The following MRPL22 variants were observed in gnomAD, a reference collection of about 807,000 sequenced individuals.
MRPL22 encodes the protein large ribosomal subunit protein uL22m.
MRPL22 carries 27 observed loss-of-function variants against 32.4 expected under a neutral mutation model. The ratio of observed to expected loss-of-function variants is 0.83; its 90% CI spans 0.61 to 1.15. The LOEUF (loss-of-function observed/expected upper bound fraction) is 1.15. MRPL22 is among the 50% of genes most tolerant of loss of function. The pLI is 0.00. For synonymous variants in MRPL22, 86 were observed against 87.3 expected, an observed-to-expected ratio of 0.99 and a Z score of 0.08; for missense variants, 239 against 260.2, an observed-to-expected ratio of 0.92 and a Z score of 0.56.
intron 6 of MRPL22, among the ~76,000 whole-genome samples, chr5:154,962,696 C>CA (rs1474235333): frequency 6.6e-6 from 1 of 152,106 alleles, no homozygotes; most frequent in Non-Finnish European, 1.5e-5. Flanking sequence ...ATAGTGATGA[C>CA]TAATGATACT....
chr5:154,964,605 C>T (rs967011924), intron 6 of MRPL22, among the ~76,000 whole-genome samples: 5 of 152,242 alleles, frequency 3.3e-5, no homozygotes, highest in Middle Eastern at 3.4e-3. Context: ...TTTGTTTTGA[C>T]ATAAAGAAAT....
chr5:154,958,848 T>C (rs1764666062), intron 5 of MRPL22, among the ~76,000 whole-genome samples: 1 of 152,026 alleles, frequency 6.6e-6, no homozygotes, highest in Non-Finnish European at 1.5e-5. Flanking sequence ...CCTGGCCCAA[T>C]TGTCATATTT....
intron 3 of MRPL22, 133 bp from the exon 4 acceptor site, chr5:154,956,238 A>G (rs1764627965): frequency 1.5e-6 from 1 of 648,942 alleles, no homozygotes; most frequent in Non-Finnish European, 2.7e-6. Context: ...ATTCTTAGTA[A>G]TGTTTCTATT....
At chr5:154,947,270 C>G (rs990376376) in intron 2 of MRPL22, among the ~76,000 whole-genome samples, 7 of 152,162 alleles carry the variant, frequency 4.6e-5, no homozygotes, top group African/African-American at 1.7e-4. Context: ...GGATTTAGAC[C>G]AAGGTCTGCT....
intron 5 of MRPL22, among the ~76,000 whole-genome samples, 166 bp from the exon 6 acceptor site, chr5:154,959,814 A>T (rs956062045): frequency 2.0e-5 from 3 of 152,218 alleles, no homozygotes; most frequent in African/African-American, 7.2e-5. Context: ...AAGGCAGGAA[A>T]GCTCCCTTCT....
At chr5:154,944,409 T>G (rs574727229) in intron 2 of MRPL22, among the ~76,000 whole-genome samples, 40 of 152,328 alleles carry the variant, frequency 2.6e-4, no homozygotes, top group African/African-American at 8.7e-4. Flanking sequence ...ACCCTTTAGA[T>G]GGGGGCATAT....
intron 5 of MRPL22, among the ~76,000 whole-genome samples, chr5:154,958,208 C>T (rs1042633477): frequency 1.3e-5 from 2 of 151,830 alleles, no homozygotes; most frequent in East Asian, 1.9e-4. Context: ...CGTGAGCCAC[C>T]GCGCCTGGCC....
Position 154,960,005 on chromosome 5 carries a change from C to T in MRPL22, c.365C>T (p.Ala122Val). Reference protein sequence around the residue: ...KEVLLEAQDMAVRDHNVEFRS... With the variant: ...KEVLLEAQDMVVRDHNVEFRS... ...GTTCTCTTAGAAGCACAAGATATGG[C>T]AGTGAGAGACCATAACGTGGAATTC... Residue 122 changes from alanine to valine, a missense_variant, in exon 6 of 7, where the codon GCA (alanine) becomes GTA (valine). Ala to Val is a moderately conservative substitution (Grantham distance 64, BLOSUM62 0). Coordinates refer to ENST00000523037, the MANE Select transcript of MRPL22 (RefSeq NM_014180.4). The T allele has an allele frequency of 5.0e-6, 8 of 1,612,074 alleles. No homozygotes were observed. The highest frequency in any genetic ancestry group is 6.8e-6 in the Non-Finnish European group (8 of 1,178,768).
At chr5:154,955,545 A>G (rs1764619980) in intron 3 of MRPL22, 1 of 152,242 alleles carries the variant, frequency 6.6e-6, no homozygotes, top group East Asian at 1.9e-4. Flanking sequence ...TGTCTCTTGC[A>G]AACCTCTGGT....
intron 2 of MRPL22, among the ~76,000 whole-genome samples, chr5:154,945,130 G>A (rs1764472392): frequency 6.6e-6 from 1 of 152,194 alleles, no homozygotes; most frequent in African/African-American, 2.4e-5. Context: ...ATAGACTGGG[G>A]TGGGGATGGG....
intron 5 of MRPL22, 112 bp downstream of exon 5, chr5:154,957,324 A>G: frequency 2.5e-6 from 2 of 814,668 alleles, no homozygotes; most frequent in Admixed American, 2.2e-5. Flanking sequence ...TTTCTGTTGT[A>G]AATGCATACT....
At chr5:154,951,505 TA>T (rs1209215346) in intron 3 of MRPL22, among the ~76,000 whole-genome samples, 9 of 152,176 alleles carry the variant, frequency 5.9e-5, no homozygotes, top group Non-Finnish European at 7.4e-5. Flanking sequence ...TATAGGCTAT[TA>T]AGTATTGACT....
chr5:154,945,261 A>G (rs1204523388), intron 2 of MRPL22, among the ~76,000 whole-genome samples: 1 of 152,144 alleles, frequency 6.6e-6, no homozygotes, highest in Non-Finnish European at 1.5e-5. Flanking sequence ...ACCACACCTG[A>G]CAGATCTTGT....
At chr5:154,945,888 C>T (rs953103545) in intron 2 of MRPL22, among the ~76,000 whole-genome samples, 2 of 152,134 alleles carry the variant, frequency 1.3e-5, no homozygotes, top group African/African-American at 4.8e-5. Context: ...CAGGAGAGGG[C>T]ACATAGGAAC....
chr5:154,941,278 C>T lies in MRPL22; in HGVS notation c.77+13C>T, dbSNP rs765919292. The T allele has an allele frequency of 4.3e-6, 7 of 1,612,550 alleles. No homozygotes were observed. The East Asian group carries it at 1.3e-4, about 31-fold the overall frequency. On this transcript the variant is annotated intron_variant, in intron 2 of 6. Transcript: ENST00000523037. ...AGCTGGCCTTGGGGTGAGTCTCTCG[C>T]TTCGGAGTTTCGGAAGGGCCCAAGG...
At chr5:154,953,213 G>A (rs894620982) in intron 3 of MRPL22, among the ~76,000 whole-genome samples, 14 of 151,756 alleles carry the variant, frequency 9.2e-5, no homozygotes, top group African/African-American at 2.4e-4. Context: ...AAAATTAGCC[G>A]GGTGTGGTGG....
At chr5:154,958,612 T>G (rs1163474406) in intron 5 of MRPL22, among the ~76,000 whole-genome samples, 1 of 138,190 alleles carries the variant, frequency 7.2e-6, no homozygotes, top group African/African-American at 2.7e-5. Flanking sequence ...TGGCGCCATC[T>G]CCGCTCACTG....
chr5:154,960,176 G>C, intron 6 of MRPL22, 127 bp downstream of exon 6: 1 of 657,246 alleles, frequency 1.5e-6, no homozygotes, highest in Non-Finnish European at 2.6e-6. Flanking sequence ...TGCTAGTAAT[G>C]GCTTATTCTT....
chr5:154,968,001 T>TA lies in MRPL22; in HGVS notation c.*1105dup, dbSNP rs1281146762. 1.3e-5 allele frequency: 2 copies of TA among 152,240 alleles called. No individual in the cohort carries two copies. Among genetic ancestry groups the TA allele is most frequent in the African/African-American group, 4.8e-5 (2 of 41,470 alleles). The allele number at this position is 152,240 out of a possible 1,614,324, so 9.4% of individuals were successfully genotyped here. On this transcript the variant is annotated 3_prime_UTR_variant, in exon 7 of 7. Transcript: ENST00000523037. ...GTTTTAAGATGGCATTAATAATAGTTACTGTTTACTGGGAACTTGTTATTT... is the reference window on the plus strand; with the variant it reads ...GTTTTAAGATGGCATTAATAATAGTTAACTGTTTACTGGGAACTTGTTATTT...
Sources: allele counts gnomAD v4.1 joint callset (sites outside exome capture counted in the v4.1 genomes callset), GRCh38; gene constraint gnomAD v4.1.1; transcripts MANE v1.5; gene names NCBI Gene and HGNC (gene_info 2026-07-23, HGNC 2026-07-21).